ATP8B4: variants seen among roughly 807,000 people sequenced by gnomAD.
ATP8B4 encodes ATPase phospholipid transporting 8B4 (putative).
Under a neutral mutation model 145.6 loss-of-function variants are expected in ATP8B4, and 133 were observed. That is an observed-to-expected ratio of 0.91 (90% confidence interval 0.79 to 1.05). The LOEUF is 1.05. ATP8B4 is among the 50% of genes least tolerant of loss of function. ATP8B4 has a pLI of 0.00. For synonymous variants in ATP8B4, 507 were observed against 492.9 expected, an observed-to-expected ratio of 1.03 and a Z score of -0.38; for missense variants, 1,458 against 1,425.2, an observed-to-expected ratio of 1.02 and a Z score of -0.37.
chr15:50,084,543 T>G (rs529847514), intron 2 of ATP8B4, among the ~76,000 whole-genome samples: 34 of 152,324 alleles, frequency 2.2e-4, no homozygotes, highest in African/African-American at 7.9e-4. Flanking sequence ...GCAGCCAGAA[T>G]GCTTCTTTCA....
intron 13 of ATP8B4, among the ~76,000 whole-genome samples, chr15:49,971,649 T>A (rs555643585): frequency 8.5e-5 from 13 of 152,116 alleles, no homozygotes; most frequent in Admixed American, 5.2e-4. Flanking sequence ...TGTAGAGAAA[T>A]AGGAACACTT....
At position 50,104,866 on chromosome 15, in the gene ATP8B4, T is replaced by TACACACACACAC. The variant is rs142425113; in HGVS notation, c.28+2061_28+2072dup. On this transcript the variant is annotated intron_variant, in intron 2 of 27. Transcript: ENST00000284509. ...ACGAGCAAATAAAGAAAATGTTGCA[T>TACACACACACAC]ACACACACACACACACACACACCCA... is the stretch of plus-strand genomic sequence containing the variant. Among the ~76,000 whole-genome samples, 833 of 116,356 alleles carry TACACACACACAC rather than the reference T, an allele frequency of 7.2e-3. 4 individuals are homozygous for TACACACACACAC. Among genetic ancestry groups the TACACACACACAC allele is most frequent in the Middle Eastern group, 0.015 (4 of 260 alleles). 76.3% of individuals were successfully genotyped at this position (116,356 alleles called of 152,430 possible). A position where few individuals can be genotyped will look rare whatever the true frequency, so the allele number is the denominator to read the frequency against.
intron 5 of ATP8B4, among the ~76,000 whole-genome samples, chr15:50,040,270 C>T (rs2051171072): frequency 6.6e-6 from 1 of 152,242 alleles, no homozygotes; most frequent in African/African-American, 2.4e-5. Flanking sequence ...TTAGCAATGG[C>T]TGCTTCCACA....
intron 21 of ATP8B4, among the ~76,000 whole-genome samples, chr15:49,898,860 G>A (rs1235303481): frequency 1.3e-5 from 2 of 152,100 alleles, no homozygotes; most frequent in South Asian, 2.1e-4. Context: ...TTCTAATCTT[G>A]CTCCTATCCA....
chr15:50,177,756 G>C (rs996963344), intron 1 of ATP8B4, among the ~76,000 whole-genome samples: 5 of 152,198 alleles, frequency 3.3e-5, no homozygotes, highest in African/African-American at 7.2e-5. Flanking sequence ...TAACTTCTTA[G>C]AGATGTGAAT....
chr15:49,964,540 T>C (rs187294360), intron 13 of ATP8B4, among the ~76,000 whole-genome samples: 3 of 152,278 alleles, frequency 2.0e-5, no homozygotes, highest in Admixed American at 6.5e-5. Flanking sequence ...CCAACTTGTA[T>C]GAAAACAAGG....
intron 6 of ATP8B4, among the ~76,000 whole-genome samples, chr15:50,037,437 C>G (rs995091634): frequency 6.6e-6 from 1 of 152,182 alleles, no homozygotes; most frequent in Admixed American, 6.5e-5. Flanking sequence ...ACATACAAGA[C>G]ACTGGGCCAA....
intron 20 of ATP8B4, among the ~76,000 whole-genome samples, chr15:49,914,700 C>T (rs899396227): frequency 6.6e-6 from 1 of 152,098 alleles, no homozygotes; most frequent in Admixed American, 6.6e-5. Context: ...AAATAGCCAA[C>T]TTATATATGA....
At chr15:50,054,800 A>C (rs868544618) in intron 3 of ATP8B4, among the ~76,000 whole-genome samples, 4,731 of 133,290 alleles carry the variant, frequency 0.035, 118 homozygotes, top group South Asian at 0.062. Context: ...AAAAAAAAAA[A>C]AAAAAAAAAC....
intron 1 of ATP8B4, among the ~76,000 whole-genome samples, chr15:50,111,784 T>C (rs998286248): frequency 5.3e-5 from 8 of 152,194 alleles, no homozygotes; most frequent in Non-Finnish European, 8.8e-5. Flanking sequence ...AGGCAGACCA[T>C]TGATGTCTCT....
At chr15:49,950,622 A>C (rs1236877323) in intron 14 of ATP8B4, among the ~76,000 whole-genome samples, 17 of 138,004 alleles carry the variant, frequency 1.2e-4, no homozygotes, top group South Asian at 4.4e-4. Context: ...AAACAAACAA[A>C]AAAAACAACA....
chr15:49,956,236 T>C (rs894648110), intron 14 of ATP8B4, among the ~76,000 whole-genome samples: 1 of 152,286 alleles, frequency 6.6e-6, no homozygotes, highest in African/African-American at 2.4e-5. Flanking sequence ...TAGAATAATA[T>C]TATTTTACAC....
chr15:49,929,051 C>T (rs776363484), intron 16 of ATP8B4, among the ~76,000 whole-genome samples: 3 of 152,036 alleles, frequency 2.0e-5, no homozygotes, highest in Admixed American at 1.3e-4. Context: ...AGGCTGAGGC[C>T]CAGCAATCTG....
chr15:50,087,904 A>G (rs561947867), intron 2 of ATP8B4, among the ~76,000 whole-genome samples: 13 of 152,200 alleles, frequency 8.5e-5, no homozygotes, highest in Non-Finnish European at 1.6e-4. Context: ...AAAAATAAAT[A>G]AATAAAACAT....
chr15:49,990,523 G>A (rs2046968053), intron 9 of ATP8B4, among the ~76,000 whole-genome samples: 1 of 152,002 alleles, frequency 6.6e-6, no homozygotes, highest in African/African-American at 2.4e-5. Context: ...TTATCCATTT[G>A]ACAATCACAC....
At chr15:50,054,783 C>CAAAAAAAAAAAAAAAAA in intron 3 of ATP8B4, among the ~76,000 whole-genome samples, 1 of 81,838 alleles carries the variant, frequency 1.2e-5, no homozygotes, top group Non-Finnish European at 2.2e-5. Flanking sequence ...GACTCCGCCT[C>CAAAAAAAAAAAAAAAAA]AAAAAAAAAA....
intron 25 of ATP8B4, 140 bp downstream of exon 25, chr15:49,876,138 C>T (rs2034380312): frequency 1.7e-6 from 2 of 1,209,304 alleles, no homozygotes; most frequent in African/African-American, 1.5e-5. Context: ...CTGCTTTCAT[C>T]TCAAAATGTG....
At chr15:50,085,589 T>C (rs2054850717) in intron 2 of ATP8B4, among the ~76,000 whole-genome samples, 1 of 151,808 alleles carries the variant, frequency 6.6e-6, no homozygotes, top group Admixed American at 6.6e-5. Flanking sequence ...AGTGTATGGA[T>C]TGTGGAAGAG....
intron 14 of ATP8B4, among the ~76,000 whole-genome samples, chr15:49,953,502 G>A (rs2043283514): frequency 6.6e-6 from 1 of 152,206 alleles, no homozygotes; most frequent in South Asian, 2.1e-4. Flanking sequence ...GACTACCACA[G>A]CCAGTGTGTT....
Sources: gnomAD v4.1 joint callset for allele counts (sites outside exome capture counted in the v4.1 genomes callset) on GRCh38, gnomAD v4.1.1 for gene constraint, MANE v1.5 for transcripts, NCBI Gene and HGNC (gene_info 2026-07-23, HGNC 2026-07-21) for gene names.